PLEKHA6: variants seen among roughly 807,000 people sequenced by gnomAD.
PLEKHA6 encodes pleckstrin homology domain-containing family A member 6.
Under a neutral mutation model 116.7 loss-of-function variants are expected in PLEKHA6, and 60 were observed. The observed-to-expected ratio is 0.51, with a 90% CI of 0.42 to 0.64. The LOEUF is 0.64. Ranked by LOEUF, PLEKHA6 falls within the 30% of genes least tolerant of loss-of-function variation. The probability of loss-of-function intolerance (pLI) is 0.00; values close to 1 mark genes in which losing one functional copy is unlikely to be tolerated. For missense variants in PLEKHA6, 1,338 were observed against 1,422.7 expected (o/e 0.94, Z 0.96); for synonymous variants, 489 against 556.1 (o/e 0.88, Z 1.70).
At chr1:204,224,716 G>C (rs536804883) in intron 21 of PLEKHA6, among the ~76,000 whole-genome samples, 3 of 152,204 alleles carry the variant, frequency 2.0e-5, no homozygotes, top group Admixed American at 2.0e-4. Context: ...TCACATAAGC[G>C]TATTTGTGTA....
chr1:204,255,186 A>C (rs1245165574), intron 9 of PLEKHA6, among the ~76,000 whole-genome samples: 2 of 152,200 alleles, frequency 1.3e-5, no homozygotes, highest in Non-Finnish European at 2.9e-5. Flanking sequence ...TCAGTTTACC[A>C]ATTATGGAGT....
chr1:204,284,412 T>C (rs903913323), intron 1 of PLEKHA6, among the ~76,000 whole-genome samples: 3 of 152,178 alleles, frequency 2.0e-5, no homozygotes, highest in African/African-American at 7.2e-5. Flanking sequence ...TGGGAAATTA[T>C]GAACACCTCC....
chr1:204,290,636 G>T (rs568003292), intron 1 of PLEKHA6, among the ~76,000 whole-genome samples: 1 of 152,114 alleles, frequency 6.6e-6, no homozygotes, highest in Non-Finnish European at 1.5e-5. Flanking sequence ...GACAAAAAAC[G>T]CACCATCAAG....
intron 1 of PLEKHA6, among the ~76,000 whole-genome samples, chr1:204,356,188 G>A (rs1252583706): frequency 6.6e-6 from 1 of 152,062 alleles, no homozygotes; most frequent in African/African-American, 2.4e-5. Context: ...TATAAAAGTA[G>A]AAAATTGGAA....
At chr1:204,329,741 A>G (rs67884709) in intron 1 of PLEKHA6, among the ~76,000 whole-genome samples, 12,394 of 152,226 alleles carry the variant, frequency 0.081, 1,099 homozygotes, top group African/African-American at 0.22. Flanking sequence ...CCAAATCCAG[A>G]ACGTGAAAAA....
intron 1 of PLEKHA6, among the ~76,000 whole-genome samples, chr1:204,288,699 T>A (rs188379239): frequency 6.6e-6 from 1 of 152,288 alleles, no homozygotes; most frequent in Non-Finnish European, 1.5e-5. Context: ...TCTTGAAGCT[T>A]TCTAAGCAAT....
chr1:204,348,019 G>T (rs539815723), intron 1 of PLEKHA6, among the ~76,000 whole-genome samples: 2 of 151,992 alleles, frequency 1.3e-5, no homozygotes, highest in Non-Finnish European at 2.9e-5. Flanking sequence ...AGCTAGAAAC[G>T]TACATCCAAC....
At chr1:204,333,038 T>C (rs1324254609) in intron 1 of PLEKHA6, among the ~76,000 whole-genome samples, 1 of 152,208 alleles carries the variant, frequency 6.6e-6, no homozygotes, top group African/African-American at 2.4e-5. Flanking sequence ...GGCTCTGCAA[T>C]GCCTCCGCCA....
At chr1:204,363,576 C>T (rs1201420982), upstream of PLEKHA6, among the ~76,000 whole-genome samples, 1 of 152,160 alleles carries the variant, frequency 6.6e-6, no homozygotes, top group Non-Finnish European at 1.5e-5. Flanking sequence ...ACAGAACTGG[C>T]CAGTTTCACC....
intron 1 of PLEKHA6, 24 bp downstream of exon 1, chr1:204,359,670 T>C (rs1673514038): frequency 1.0e-6 from 1 of 982,900 alleles, no homozygotes; most frequent in South Asian, 4.7e-5. Context: ...ACCTCATCTA[T>C]GTGATGCATG....
chr1:204,351,208 G>C (rs1415282021), intron 1 of PLEKHA6, among the ~76,000 whole-genome samples: 5 of 152,180 alleles, frequency 3.3e-5, no homozygotes, highest in Middle Eastern at 3.2e-3. Flanking sequence ...TGTGGCGGGG[G>C]GGAGGTGGCC....
intron 1 of PLEKHA6, among the ~76,000 whole-genome samples, chr1:204,313,919 C>T (rs909145034): frequency 5.1e-4 from 77 of 152,264 alleles, no homozygotes; most frequent in African/African-American, 1.5e-3. Flanking sequence ...GAAAAGTGTC[C>T]GATTCTGCCC....
chr1:204,243,849 CT>C, intron 15 of PLEKHA6, among the ~76,000 whole-genome samples: 1 of 152,132 alleles, frequency 6.6e-6, no homozygotes, highest in South Asian at 2.1e-4. Flanking sequence ...GAGATGGAGT[CT>C]GGCTCTGTCA....
chr1:204,326,330 T>C (rs60984304), intron 1 of PLEKHA6, among the ~76,000 whole-genome samples: 2,225 of 152,192 alleles, frequency 0.015, 62 homozygotes, highest in African/African-American at 0.051. Context: ...CACGGTCACG[T>C]CTTAGCTCAT....
chr1:204,366,724 G>T (rs1253767820), intron 3 of PLEKHA6, among the ~76,000 whole-genome samples: 1 of 152,204 alleles, frequency 6.6e-6, no homozygotes, highest in Non-Finnish European at 1.5e-5. Context: ...TCGCACCACT[G>T]CACTCCAGCC....
intron 1 of PLEKHA6, chr1:204,307,203 C>A (rs1043589004): frequency 1.3e-5 from 2 of 152,222 alleles, no homozygotes; most frequent in African/African-American, 4.8e-5. Context: ...CACACTCACA[C>A]TCATTCATAT....
intron 3 of PLEKHA6, among the ~76,000 whole-genome samples, chr1:204,367,577 C>G (rs1673686799): frequency 6.6e-6 from 1 of 152,118 alleles, no homozygotes; most frequent in South Asian, 2.1e-4. Flanking sequence ...AGGAAACTTA[C>G]CAGGACTGAC....
upstream of PLEKHA6, among the ~76,000 whole-genome samples, chr1:204,360,987 A>G (rs1038031795): frequency 2.6e-5 from 4 of 152,236 alleles, no homozygotes; most frequent in African/African-American, 9.6e-5. Context: ...CACTGATTTC[A>G]TAAACAGGAT....
chr1:204,245,011 G>A lies in PLEKHA6; in HGVS notation c.2033-8C>T. Reference sequence around the variant, plus strand: ...CTGAGGGGCCAAGTCCTCCTTGGGGGAAACAAGGGGATGGGTGAGCAATGG... The same window carrying A: ...CTGAGGGGCCAAGTCCTCCTTGGGGAAAACAAGGGGATGGGTGAGCAATGG... On this transcript the variant is annotated splice_region_variant and splice_polypyrimidine_tract_variant and intron_variant, in intron 14 of 22. Coordinates refer to ENST00000272203, the MANE Select transcript of PLEKHA6 (RefSeq NM_014935.5). The A allele has an allele frequency of 7.1e-7, 1 of 1,412,492 alleles. No homozygotes were observed. The highest frequency in any genetic ancestry group is 2.9e-5 in the East Asian group (1 of 34,660). 87.5% of individuals were successfully genotyped at this position (1,412,492 alleles called of 1,614,324 possible).
Sources: allele counts gnomAD v4.1 joint callset (sites outside exome capture counted in the v4.1 genomes callset), GRCh38; gene constraint gnomAD v4.1.1; transcripts MANE v1.5; gene names NCBI Gene and HGNC (gene_info 2026-07-23, HGNC 2026-07-21).